NAV2: variants seen among roughly 807,000 people sequenced by gnomAD.
The protein encoded by NAV2 is helicase, APC down-regulated 1.
NAV2 carries 54 observed loss-of-function variants against 223.2 expected under a neutral mutation model. That is an observed-to-expected ratio of 0.24 (90% confidence interval 0.19 to 0.30). The LOEUF (loss-of-function observed/expected upper bound fraction) is 0.30, where lower values mean the gene tolerates loss of function less well. Ranked by LOEUF, NAV2 falls within the 10% of genes least tolerant of loss-of-function variation. The pLI, the probability that NAV2 is intolerant of heterozygous loss-of-function variation, is 1.00. For synonymous variants in NAV2, 1,279 were observed against 1,239.3 expected (o/e 1.03, Z -0.67); for missense variants, 2,806 against 3,147.5 (o/e 0.89, Z 2.60).
chr11:19,664,709 G>T (rs2048365066), intron 1 of NAV2, among the ~76,000 whole-genome samples: 1 of 152,184 alleles, frequency 6.6e-6, no homozygotes, highest in Non-Finnish European at 1.5e-5. Context: ...ACCTGCCTTT[G>T]ACCCATTAGC....
intron 12 of NAV2, among the ~76,000 whole-genome samples, chr11:20,041,501 G>T (rs575345587): frequency 6.6e-6 from 1 of 152,178 alleles, no homozygotes; most frequent in East Asian, 1.9e-4. Flanking sequence ...ATTACAGTTT[G>T]ATTGGGGGGA....
intron 1 of NAV2, among the ~76,000 whole-genome samples, chr11:19,811,923 G>A (rs938160084): frequency 1.3e-5 from 2 of 152,132 alleles, no homozygotes; most frequent in African/African-American, 2.4e-5. Context: ...ACAGATACGC[G>A]TTGTCTTTAG....
intron 1 of NAV2, among the ~76,000 whole-genome samples, chr11:19,628,135 C>G (rs1277288207): frequency 6.6e-6 from 1 of 152,152 alleles, no homozygotes; most frequent in Non-Finnish European, 1.5e-5. Context: ...CACTCTGGCC[C>G]CAGGGTTTGG....
At chr11:19,978,643 C>T (rs1248155093) in intron 10 of NAV2, 1 of 125,390 alleles carries the variant, frequency 8.0e-6, no homozygotes, top group Non-Finnish European at 1.6e-5. Context: ...TTTCTTGCAT[C>T]TGAGAGGTTT....
chr11:19,966,305 T>C (rs2048766145), intron 10 of NAV2, among the ~76,000 whole-genome samples: 1 of 152,182 alleles, frequency 6.6e-6, no homozygotes, highest in Admixed American at 6.6e-5. Context: ...CAGTGTGATA[T>C]ACACGGCCCT....
intron 20 of NAV2, among the ~76,000 whole-genome samples, chr11:20,067,256 C>T (rs572365956): frequency 6.6e-6 from 1 of 152,108 alleles, no homozygotes; most frequent in Non-Finnish European, 1.5e-5. Flanking sequence ...CCAAACCCCC[C>T]TCACTTTGAG....
chr11:19,360,868 C>T (rs933784966), intron 1 of NAV2, among the ~76,000 whole-genome samples: 67 of 152,142 alleles, frequency 4.4e-4, no homozygotes, highest in African/African-American at 1.5e-3. Context: ...ATGGAGCAAA[C>T]AGGCATCAAG....
At chr11:19,682,206 G>GGAAA (rs956714528) in intron 1 of NAV2, among the ~76,000 whole-genome samples, 56 of 152,238 alleles carry the variant, frequency 3.7e-4, no homozygotes, top group Non-Finnish European at 6.0e-4. Context: ...TGGAGAGGGA[G>GGAAA]GAAAGAAAGA....
At chr11:20,082,071 A>G (rs2060127222) in intron 25 of NAV2, among the ~76,000 whole-genome samples, 1 of 152,204 alleles carries the variant, frequency 6.6e-6, no homozygotes, top group African/African-American at 2.4e-5. Flanking sequence ...CTTTAAAATA[A>G]CCATTTTCTG....
intron 16 of NAV2, among the ~76,000 whole-genome samples, chr11:20,050,971 A>T (rs2057946533): frequency 6.6e-6 from 1 of 152,186 alleles, no homozygotes; most frequent in Non-Finnish European, 1.5e-5. Context: ...AAGGCACAGG[A>T]CCTCTGCTTT....
intron 1 of NAV2, among the ~76,000 whole-genome samples, chr11:19,725,734 C>A (rs943234203): frequency 6.6e-6 from 1 of 152,196 alleles, no homozygotes; most frequent in African/African-American, 2.4e-5. Context: ...ATATTTTTAG[C>A]CACATTTAGA....
intron 1 of NAV2, among the ~76,000 whole-genome samples, chr11:19,733,386 A>C (rs2051992512): frequency 6.6e-6 from 1 of 152,180 alleles, no homozygotes; most frequent in Non-Finnish European, 1.5e-5. Flanking sequence ...CCAGGTTTTG[A>C]GCTCAAGTCT....
At chr11:19,626,245 T>G (rs1222277575) in intron 1 of NAV2, among the ~76,000 whole-genome samples, 1 of 152,224 alleles carries the variant, frequency 6.6e-6, no homozygotes, top group Non-Finnish European at 1.5e-5. Flanking sequence ...TTCATTCTTT[T>G]ACATATCCAG....
chr11:20,054,367 CT>C, intron 18 of NAV2, 127 bp downstream of exon 18: 1 of 849,688 alleles, frequency 1.2e-6, no homozygotes, highest in Middle Eastern at 3.6e-4. Flanking sequence ...TGGGTAAGTT[CT>C]TTAGTGGTGA....
At chr11:20,117,095 T>C (rs1379025741) in intron 37 of NAV2, among the ~76,000 whole-genome samples, 3 of 152,202 alleles carry the variant, frequency 2.0e-5, no homozygotes, top group African/African-American at 4.8e-5. Flanking sequence ...GCAGCTGGAT[T>C]GTATGCCCAG....
intron 1 of NAV2, among the ~76,000 whole-genome samples, chr11:19,757,459 T>G (rs1405354518): frequency 6.6e-6 from 1 of 152,170 alleles, no homozygotes; most frequent in Non-Finnish European, 1.5e-5. Context: ...AGAGTTTGAA[T>G]TTCTGAATTA....
intron 34 of NAV2, chr11:20,104,446 C>T (rs991620892): frequency 3.9e-5 from 6 of 152,526 alleles, no homozygotes; most frequent in African/African-American, 1.4e-4. Flanking sequence ...ATGGGCATCT[C>T]TGAGGGAGAT....
At chr11:20,087,577 G>A (rs2060538083) in intron 26 of NAV2, among the ~76,000 whole-genome samples, 1 of 152,180 alleles carries the variant, frequency 6.6e-6, no homozygotes, top group South Asian at 2.1e-4. Flanking sequence ...TTAAAATTAG[G>A]TATGCCACCA....
intron 35 of NAV2, among the ~76,000 whole-genome samples, chr11:20,107,057 A>ATTTTT (rs10590815): frequency 3.7e-5 from 1 of 27,254 alleles, no homozygotes; most frequent in Non-Finnish European, 6.7e-5. Context: ...ATGGGCTTCC[A>ATTTTT]TTTTTTTTTT....
Sources: allele counts gnomAD v4.1 joint callset (sites outside exome capture counted in the v4.1 genomes callset), GRCh38; gene constraint gnomAD v4.1.1; transcripts MANE v1.5; gene names NCBI Gene and HGNC (gene_info 2026-07-23, HGNC 2026-07-21).